STPG4: variants seen among roughly 807,000 people sequenced by gnomAD.
The protein encoded by STPG4 is protein STPG4.
In STPG4, 41 loss-of-function variants were observed where a neutral mutation model predicts 31.5. The observed-to-expected ratio is 1.30, with a 90% CI of 1.01 to 1.69. The LOEUF (loss-of-function observed/expected upper bound fraction) is 1.69. Ranked by LOEUF, STPG4 falls within the 40% of genes most tolerant of loss-of-function variation. The pLI, the probability that STPG4 is intolerant of heterozygous loss-of-function variation, is 0.00. For missense variants in STPG4, 375 were observed against 293.4 expected, an observed-to-expected ratio of 1.28 and a Z score of -2.03; for synonymous variants, 141 against 103.0, an observed-to-expected ratio of 1.37 and a Z score of -2.24.
chr2:47,091,449 A>G (rs1485727605), intron 5 of STPG4, among the ~76,000 whole-genome samples: 2 of 152,220 alleles, frequency 1.3e-5, no homozygotes, highest in Non-Finnish European at 2.9e-5. Flanking sequence ...CACACTGGAT[A>G]ATGCTAACAT....
At chr2:47,089,634 T>A (rs575916726) in intron 6 of STPG4, among the ~76,000 whole-genome samples, 1 of 150,428 alleles carries the variant, frequency 6.6e-6, no homozygotes, top group East Asian at 1.9e-4. Flanking sequence ...GCTATGGGAA[T>A]TAAAACTGTC....
chr2:47,087,257 G>A, intron 6 of STPG4, 127 bp from the exon 7 acceptor site: 2 of 1,090,500 alleles, frequency 1.8e-6, no homozygotes, highest in Non-Finnish European at 2.6e-6. Flanking sequence ...GGCCACACCA[G>A]CCTGGGCTGA....
intron 3 of STPG4, among the ~76,000 whole-genome samples, chr2:47,138,319 G>A (rs1187769382): frequency 1.3e-5 from 2 of 150,338 alleles, no homozygotes; most frequent in East Asian, 3.9e-4. Context: ...TTGATTTGTA[G>A]TTTAATTCAG....
At chr2:47,117,898 C>T (rs1686183328) in intron 5 of STPG4, among the ~76,000 whole-genome samples, 1 of 150,480 alleles carries the variant, frequency 6.6e-6, no homozygotes, top group African/African-American at 2.5e-5. Flanking sequence ...GAAGTTGTCA[C>T]TTTAGAGATA....
chr2:47,100,211 C>T (rs557975817), intron 5 of STPG4, among the ~76,000 whole-genome samples: 28 of 152,004 alleles, frequency 1.8e-4, no homozygotes, highest in African/African-American at 5.1e-4. Context: ...CTGGTGGGGA[C>T]GTGGAGAACC....
At chr2:47,132,476 G>T (rs1463390717) in intron 3 of STPG4, among the ~76,000 whole-genome samples, 1 of 152,194 alleles carries the variant, frequency 6.6e-6, no homozygotes, top group Non-Finnish European at 1.5e-5. Flanking sequence ...AACTTTGATT[G>T]CAGAAGCAGC....
intron 5 of STPG4, among the ~76,000 whole-genome samples, chr2:47,124,170 G>A (rs1014990636): frequency 9.9e-5 from 15 of 151,836 alleles, no homozygotes; most frequent in Non-Finnish European, 1.6e-4. Flanking sequence ...TTCAGTAGAG[G>A]TGGGGCTTCA....
intron 5 of STPG4, among the ~76,000 whole-genome samples, chr2:47,110,259 T>C (rs1558676108): frequency 1.3e-5 from 2 of 152,268 alleles, no homozygotes; most frequent in Non-Finnish European, 1.5e-5. Context: ...ACCATATTGA[T>C]GGCTCTTTTC....
At chr2:47,109,006 A>C (rs1685981979) in intron 5 of STPG4, among the ~76,000 whole-genome samples, 1 of 152,252 alleles carries the variant, frequency 6.6e-6, no homozygotes, top group African/African-American at 2.4e-5. Flanking sequence ...GCACCAGTAC[A>C]TTCCACCCCA....
At chr2:47,132,282 A>G (rs1255855582) in intron 3 of STPG4, among the ~76,000 whole-genome samples, 1 of 152,102 alleles carries the variant, frequency 6.6e-6, no homozygotes. Flanking sequence ...GGAGGGGAAG[A>G]GTTATATTAT....
rs1297764810 is a variant in STPG4, at chr2:47,105,355, ACTGT to A, written c.520-14985_520-14982del. Among the ~76,000 whole-genome samples, 3 of 152,068 alleles carry A rather than the reference ACTGT, an allele frequency of 2.0e-5. No homozygotes were observed. The East Asian group carries it at 5.8e-4, about 29-fold the overall frequency. ...CAAAATAATACAAGGAAAGGATCTC[ACTGT>A]CTGGACTACTCATGATGTAAATGGC... On this transcript the variant is annotated intron_variant, in intron 5 of 6. Transcript: ENST00000445927.
intron 5 of STPG4, among the ~76,000 whole-genome samples, chr2:47,091,021 T>G (rs929945435): frequency 1.3e-5 from 2 of 151,952 alleles, no homozygotes; most frequent in African/African-American, 4.8e-5. Flanking sequence ...ACATTCTAAT[T>G]TAAAAAACAA....
At chr2:47,134,584 A>G (rs1325655129) in intron 3 of STPG4, among the ~76,000 whole-genome samples, 1 of 152,188 alleles carries the variant, frequency 6.6e-6, no homozygotes, top group African/African-American at 2.4e-5. Context: ...GATGTACCAC[A>G]GTTTATTTAT....
intron 5 of STPG4, among the ~76,000 whole-genome samples, chr2:47,126,193 T>C (rs1038950137): frequency 3.9e-5 from 6 of 152,232 alleles, no homozygotes; most frequent in Admixed American, 2.0e-4. Flanking sequence ...CAGGATGACT[T>C]TGGCTATTCT....
chr2:47,098,802 T>G (rs1191499203), intron 5 of STPG4, among the ~76,000 whole-genome samples: 3 of 149,510 alleles, frequency 2.0e-5, no homozygotes, highest in Admixed American at 1.3e-4. Flanking sequence ...GAATCCTGTG[T>G]GGAGGTGGGT....
At chr2:47,107,270 A>G (rs1685932237) in intron 5 of STPG4, among the ~76,000 whole-genome samples, 1 of 151,872 alleles carries the variant, frequency 6.6e-6, no homozygotes, top group South Asian at 2.1e-4. Context: ...GCTTGCAGGG[A>G]GGTGTGGAGG....
intron 3 of STPG4, among the ~76,000 whole-genome samples, chr2:47,150,900 GT>G (rs902759989): frequency 6.6e-6 from 1 of 152,032 alleles, no homozygotes; most frequent in Non-Finnish European, 1.5e-5. Flanking sequence ...GAGAGGCAGG[GT>G]TTTCTCTTTA....
chr2:47,094,609 G>T (rs1389299824), intron 5 of STPG4, among the ~76,000 whole-genome samples: 1 of 152,128 alleles, frequency 6.6e-6, no homozygotes, highest in East Asian at 1.9e-4. Flanking sequence ...CACCACAAAA[G>T]AATAAACGGA....
chr2:47,099,378 G>T (rs974627100), intron 5 of STPG4, among the ~76,000 whole-genome samples: 6 of 152,208 alleles, frequency 3.9e-5, no homozygotes, highest in Non-Finnish European at 7.3e-5. Flanking sequence ...GAGCTGCCCT[G>T]ACAACGCAAA....
Sources: allele counts gnomAD v4.1 joint callset (sites outside exome capture counted in the v4.1 genomes callset), GRCh38; gene constraint gnomAD v4.1.1; transcripts MANE v1.5; gene names NCBI Gene and HGNC (gene_info 2026-07-23, HGNC 2026-07-21).